Variants in PIKFYVE observed in about 807,000 individuals in gnomAD.
PIKFYVE encodes the protein phosphoinositide kinase, FYVE-type zinc finger containing.
A neutral mutation model predicts 257.9 loss-of-function variants in PIKFYVE; 122 were observed. That is an observed-to-expected ratio of 0.47 (90% CI 0.41 to 0.55). The LOEUF (loss-of-function observed/expected upper bound fraction) is 0.55. Among genes scored for constraint, PIKFYVE ranks in the 20% least tolerant of loss-of-function variants. The pLI is 0.00. For missense variants in PIKFYVE, 2,160 were observed against 2,536.6 expected (o/e 0.85, Z 3.19); for synonymous variants, 892 against 868.9 (o/e 1.03, Z -0.47).
At chr2:208,274,132 C>T (rs1199946192) in intron 3 of PIKFYVE, 2 of 1,460,204 alleles carry the variant, frequency 1.4e-6, no homozygotes, top group African/African-American at 2.8e-5. Flanking sequence ...CCTCTGGCTG[C>T]AGAACTCTGT....
rs547917603 is a variant in PIKFYVE at position 208,348,085 on chromosome 2, A to G, written c.5374+62A>G. The G allele has an allele frequency of 1.8e-5, 28 of 1,564,010 alleles. 1 individual carries two copies. In the South Asian group the frequency reaches 2.7e-4, roughly 15 times the overall value. ...TTTGATTTATTTATTTTAGTTGCATATATTTCTTATAGCCTTAAATAGATA... is the reference window on the plus strand; with the variant it reads ...TTTGATTTATTTATTTTAGTTGCATGTATTTCTTATAGCCTTAAATAGATA... On this transcript the variant is annotated intron_variant, in intron 35 of 41. Coordinates refer to ENST00000264380, the MANE Select transcript of PIKFYVE (RefSeq NM_015040.4).
intron 16 of PIKFYVE, among the ~76,000 whole-genome samples, chr2:208,320,021 G>A (rs1476247383): frequency 6.6e-6 from 1 of 151,958 alleles, no homozygotes. Flanking sequence ...GATCAAAGTA[G>A]TATTAAGAAA....
rs941416138 is a variant in PIKFYVE, at chr2:208,318,043, A to G, written c.2082+102A>G. The G allele has an allele frequency of 4.1e-6, 5 of 1,224,032 alleles. No individual in the cohort carries two copies. In the African/African-American group the frequency reaches 5.9e-5, roughly 15 times the overall value. 75.8% of individuals were successfully genotyped at this position (1,224,032 alleles called of 1,614,324 possible). ...TTATGGAAGAAATGGACAATGGACA[A>G]TGAAAGGCAGCTGTGTCTGCCATAG... On this transcript the variant is annotated intron_variant, in intron 16 of 41. Transcript: ENST00000264380.
In PIKFYVE at chr2:208,317,197, A is replaced by G. The variant is rs532909232; in HGVS notation, c.2008-670A>G. ...AAACTACCATCAGAGTGAACAGGCAACCTACAAAATGGGAGAAAATTTTCG... is the reference window on the plus strand; with the variant it reads ...AAACTACCATCAGAGTGAACAGGCAGCCTACAAAATGGGAGAAAATTTTCG... On this transcript the variant is annotated intron_variant, in intron 15 of 41. Coordinates refer to ENST00000264380, the MANE Select transcript of PIKFYVE (RefSeq NM_015040.4). Among the ~76,000 whole-genome samples the G allele has an allele frequency of 2.1e-3, 318 of 151,870 alleles. 2 individuals are homozygous for G. Among genetic ancestry groups the G allele is most frequent in the African/African-American group, 7.2e-3 (300 of 41,388 alleles).
Position 208,271,626 on chromosome 2 carries a change from A to G in PIKFYVE, c.107A>G (p.Asp36Gly). The G allele has an allele frequency of 3.7e-6, 6 of 1,614,080 alleles. No homozygotes were observed. The highest frequency in any genetic ancestry group is 2.5e-6 in the Non-Finnish European group (3 of 1,179,980). Residue 36 changes from aspartate (D) to glycine (G), a missense_variant, in exon 2 of 42, where the codon GAT (aspartate) becomes GGT (glycine). Coordinates refer to ENST00000264380, the MANE Select transcript of PIKFYVE (RefSeq NM_015040.4). ...HLTHFKPLTPDQDEPPFKSAY... is the reference protein window; with the variant it reads ...HLTHFKPLTPGQDEPPFKSAY... The stretch of plus-strand genomic sequence containing the variant: ...ACACACTTTAAACCTTTGACTCCTG[A>G]TCAAGATGAGCCCCCTTTTAAATCA...
Position 208,271,553 on chromosome 2 carries a change from G to A in PIKFYVE, c.34G>A (p.Asp12Asn). The A allele has an allele frequency of 6.2e-7, 1 of 1,614,122 alleles. No individual in the cohort carries two copies. Among genetic ancestry groups the A allele is most frequent in the Non-Finnish European group, 8.5e-7 (1 of 1,180,016 alleles). ...ATDDKTSPTL[D>N]SANDLPRSPT... is the part of the protein sequence containing the mutation. The stretch of plus-strand genomic sequence containing the variant: ...AGATGATAAGACGTCCCCAACACTG[G>A]ACTCTGCTAATGATTTGCCTCGATC... Residue 12 changes from aspartate to asparagine, a missense_variant, in exon 2 of 42, where the codon GAC becomes AAC. By Grantham distance (23) the Asp-to-Asn change is conservative. Coordinates refer to ENST00000264380, the MANE Select transcript of PIKFYVE (RefSeq NM_015040.4).
In PIKFYVE at chr2:208,338,505, C is replaced by T; in HGVS notation, c.4612-3C>T. ...TAAGAACAAAGTATTTACTTCTCTA[C>T]AGATAAGTGCGATGGATGCATCTCC... On this transcript the variant is annotated splice_polypyrimidine_tract_variant and splice_region_variant and intron_variant, in intron 28 of 41. Transcript: ENST00000264380. The T allele has an allele frequency of 1.9e-6, 3 of 1,610,660 alleles. No individual in the cohort carries two copies. The highest frequency in any genetic ancestry group is 2.2e-5 in the South Asian group (2 of 91,008).
In PIKFYVE at chr2:208,355,527, C is replaced by A; in HGVS notation, c.*222C>A. 1 of 467,762 alleles carries A rather than the reference C, an allele frequency of 2.1e-6. No homozygotes were observed. The highest frequency in any genetic ancestry group is 3.9e-6 in the Non-Finnish European group (1 of 259,484). The allele number at this position is 467,762 out of a possible 1,614,324, so 29.0% of individuals were successfully genotyped here. A position where few individuals can be genotyped will look rare whatever the true frequency, so the allele number is the denominator to read the frequency against. On this transcript the variant is annotated 3_prime_UTR_variant, in exon 42 of 42. Transcript: ENST00000264380. Reference sequence around the variant, plus strand: ...GAGCTGTCTGTAGGTTGGGAAGTGGCATGAAAATTTTCTTAAGCTAAAATA... The same window carrying A: ...GAGCTGTCTGTAGGTTGGGAAGTGGAATGAAAATTTTCTTAAGCTAAAATA...
At chr2:208,333,107 G>T (rs544929862) in intron 23 of PIKFYVE, among the ~76,000 whole-genome samples, 9 of 152,046 alleles carry the variant, frequency 5.9e-5, no homozygotes, top group Middle Eastern at 6.8e-3. Flanking sequence ...GGTGGCGCGT[G>T]CCTGTAGTCC....
chr2:208,338,723 A>T (rs1698414127), intron 29 of PIKFYVE, among the ~76,000 whole-genome samples, 155 bp downstream of exon 29: 1 of 152,220 alleles, frequency 6.6e-6, no homozygotes, highest in Admixed American at 6.5e-5. Context: ...TCAGATTAAG[A>T]TTATCATATA....
In PIKFYVE at chr2:208,345,208, G is replaced by A. The variant is rs1162630906; in HGVS notation, c.5111+14G>A. 2.5e-6 allele frequency: 4 copies of A among 1,574,134 alleles called. No homozygotes were observed. In the Admixed American group the frequency reaches 6.7e-5, roughly 26 times the overall value. On this transcript the variant is annotated intron_variant, in intron 33 of 41. Coordinates refer to ENST00000264380, the MANE Select transcript of PIKFYVE (RefSeq NM_015040.4). ...TCCAACAAATAGGTGATTCATGATT[G>A]AGTAGAAACTATTTTAATTTAGTTA...
At chr2:208,339,986 ATAAG>A (rs766429881) in intron 30 of PIKFYVE, 21 bp from the exon 31 acceptor site, 1 of 1,606,728 alleles carries the variant, frequency 6.2e-7, no homozygotes, top group Admixed American at 1.7e-5. Context: ...ATATTAATAT[ATAAG>A]TAGACTATTT....
chr2:208,353,828 T>A, intron 39 of PIKFYVE, 70 bp from the exon 40 acceptor site: 1 of 1,571,212 alleles, frequency 6.4e-7, no homozygotes. Context: ...CTGCCTTTTT[T>A]ATTTACTTAC....
intron 25 of PIKFYVE, 126 bp downstream of exon 25, chr2:208,335,545 A>T: frequency 2.3e-6 from 2 of 869,188 alleles, no homozygotes; most frequent in Non-Finnish European, 3.6e-6. Flanking sequence ...TGCTTGGTGT[A>T]CAAAAAGAAA....
At position 208,353,641 on chromosome 2, in the gene PIKFYVE, G is replaced by A. The variant is rs1037237242; in HGVS notation, c.5845-257G>A. Reference sequence around the variant, plus strand: ...TTGATTAAATTGGCCAGTGTATTTCGGAAACGTTTCAGTAATTGAGTACCT... The same window carrying A: ...TTGATTAAATTGGCCAGTGTATTTCAGAAACGTTTCAGTAATTGAGTACCT... On this transcript the variant is annotated intron_variant, in intron 39 of 41. Coordinates refer to ENST00000264380, the MANE Select transcript of PIKFYVE (RefSeq NM_015040.4). Among the ~76,000 whole-genome samples, 3 of 151,558 alleles carry A rather than the reference G, an allele frequency of 2.0e-5. No homozygotes were observed. Among genetic ancestry groups the A allele is most frequent in the Non-Finnish European group, 4.4e-5 (3 of 67,938 alleles).
intron 13 of PIKFYVE, among the ~76,000 whole-genome samples, chr2:208,312,576 G>A (rs1367188020): frequency 1.3e-5 from 2 of 152,112 alleles, no homozygotes; most frequent in African/African-American, 4.8e-5. Context: ...TAAAGACATA[G>A]TTTACACTTA....
rs1698132148 is a variant in PIKFYVE at position 208,336,259 on chromosome 2, A to G, written c.4520+59A>G. On this transcript the variant is annotated intron_variant, in intron 27 of 41. Transcript: ENST00000264380. ...ATTGCCACATTTGTTCTAATGTGAT[A>G]TCTTAAAACTTAAAAATTTTTAATT... The G allele has an allele frequency of 2.9e-5, 46 of 1,598,242 alleles. 1 individual carries two copies. The highest frequency in any genetic ancestry group is 3.9e-5 in the Non-Finnish European group (46 of 1,167,280).
At chr2:208,292,201 T>A (rs891052009) in intron 7 of PIKFYVE, among the ~76,000 whole-genome samples, 79 of 152,276 alleles carry the variant, frequency 5.2e-4, no homozygotes, top group Middle Eastern at 3.4e-3. Context: ...TTTTATGGTG[T>A]GTTTTATGGC....
rs1470836563 is a variant in PIKFYVE, at chr2:208,353,936, A to G, written c.5883A>G (p.Val1961=). Residue 1961 remains valine (V), a synonymous_variant, in exon 40 of 42, where the codon GTA becomes GTG. Coordinates refer to ENST00000264380, the MANE Select transcript of PIKFYVE (RefSeq NM_015040.4). ...DLKGSLRNRN[V]KTDTGKESCD... is the part of the protein sequence containing the mutation. The stretch of plus-strand genomic sequence containing the variant: ...AGGGCTCTCTTAGGAATCGGAATGT[A>G]AAAACTGACACTGGAAAAGAGAGTT... 6.2e-7 allele frequency: 1 copy of G among 1,613,934 alleles called. No individual in the cohort carries two copies. Among genetic ancestry groups the G allele is most frequent in the Non-Finnish European group, 8.5e-7 (1 of 1,179,958 alleles).
Sources: gnomAD v4.1 joint callset for allele counts (sites outside exome capture counted in the v4.1 genomes callset) on GRCh38, gnomAD v4.1.1 for gene constraint, MANE v1.5 for transcripts, NCBI Gene and HGNC (gene_info 2026-07-23, HGNC 2026-07-21) for gene names.